Variants in HIP1 observed in about 807,000 individuals in gnomAD.
The protein encoded by HIP1 is huntingtin-interacting protein 1.
Under a neutral mutation model 147.6 loss-of-function variants are expected in HIP1, and 65 were observed. That is an observed-to-expected ratio of 0.44 (90% CI 0.36 to 0.54). The LOEUF is 0.54. Ranked by LOEUF, HIP1 falls within the 20% of genes least tolerant of loss-of-function variation. The probability of loss-of-function intolerance (pLI) is 0.00; values close to 1 mark genes in which losing one functional copy is unlikely to be tolerated. For synonymous variants in HIP1, 479 were observed against 504.0 expected (o/e 0.95, Z 0.67); for missense variants, 1,061 against 1,299.6 (o/e 0.82, Z 2.82).
At chr7:75,616,850 G>A (rs1797688625) in intron 1 of HIP1, among the ~76,000 whole-genome samples, 1 of 152,142 alleles carries the variant, frequency 6.6e-6, no homozygotes, top group Non-Finnish European at 1.5e-5. Flanking sequence ...GGAGGTATAT[G>A]TCAGGCACAG....
At chr7:75,675,826 T>A (rs1799869482) in intron 1 of HIP1, among the ~76,000 whole-genome samples, 1 of 152,068 alleles carries the variant, frequency 6.6e-6, no homozygotes, top group South Asian at 2.1e-4. Flanking sequence ...AAAAAAATTT[T>A]AAAAATCAGC....
At chr7:75,589,683 CAAAAAAAAAAAAAAAAAA>C (rs1159535613) in intron 4 of HIP1, among the ~76,000 whole-genome samples, 6 of 49,642 alleles carry the variant, frequency 1.2e-4, no homozygotes, top group African/African-American at 2.6e-4. Context: ...ACTCTGTCTC[CAAAAAAAAAAAAAAAAAA>C]AAAAAAAAAA....
At position 75,536,138 on chromosome 7, in the gene HIP1, C is replaced by G. The variant is rs1021998198; in HGVS notation, c.*2034G>C. 1 of 197,730 alleles carries G rather than the reference C, an allele frequency of 5.1e-6. No individual in the cohort carries two copies. Among genetic ancestry groups the G allele is most frequent in the Non-Finnish European group, 1.0e-5 (1 of 95,480 alleles). 12.2% of individuals were successfully genotyped at this position (197,730 alleles called of 1,614,324 possible). A position where few individuals can be genotyped will look rare whatever the true frequency, so the allele number is the denominator to read the frequency against. Reference sequence around the variant, plus strand: ...ATTGGTTTAGTTGCCACAACTGGGACAGGGAAGCCACGCACCATTCCTTCT... The same window carrying G: ...ATTGGTTTAGTTGCCACAACTGGGAGAGGGAAGCCACGCACCATTCCTTCT... On this transcript the variant is annotated 3_prime_UTR_variant, in exon 31 of 31. Coordinates refer to ENST00000336926, the MANE Select transcript of HIP1 (RefSeq NM_005338.7).
rs1554488126 is a variant in HIP1, at chr7:75,534,179, G to C, written c.*3993C>G. Reference sequence around the variant, plus strand: ...AATCTGACCGGAGCGACATGTACCTGTGATTCCCGTGTTACCTGGTGGCAT... The same window carrying C: ...AATCTGACCGGAGCGACATGTACCTCTGATTCCCGTGTTACCTGGTGGCAT... On this transcript the variant is annotated 3_prime_UTR_variant, in exon 31 of 31. Transcript: ENST00000336926. 2 of 228,206 alleles carry C rather than the reference G, an allele frequency of 8.8e-6. No homozygotes were observed. Among genetic ancestry groups the C allele is most frequent in the Non-Finnish European group, 1.7e-5 (2 of 114,926 alleles). 14.1% of individuals were successfully genotyped at this position (228,206 alleles called of 1,614,324 possible). A position where few individuals can be genotyped will look rare whatever the true frequency, so the allele number is the denominator to read the frequency against.
intron 1 of HIP1, among the ~76,000 whole-genome samples, chr7:75,612,933 G>A (rs782628168): frequency 2.6e-5 from 4 of 151,898 alleles, no homozygotes; most frequent in Non-Finnish European, 4.4e-5. Flanking sequence ...GTGAAACTCC[G>A]TCTCTACTAA....
At chr7:75,554,832 T>C (rs1419188423) in intron 19 of HIP1, among the ~76,000 whole-genome samples, 1 of 151,828 alleles carries the variant, frequency 6.6e-6, no homozygotes, top group East Asian at 1.9e-4. Context: ...TTCCAGCACT[T>C]TGAGAGGCCA....
chr7:75,611,948 A>AGAGGGTTTCCC, intron 1 of HIP1: 1 of 873,266 alleles, frequency 1.1e-6, no homozygotes, highest in Non-Finnish European at 1.4e-6. Flanking sequence ...GGCAGTGGCC[A>AGAGGGTTTCCC]ATGGGAAACC....
chr7:75,568,984 G>A lies in HIP1; in HGVS notation c.746-728C>T, dbSNP rs929865784. Among the ~76,000 whole-genome samples, 11 of 152,144 alleles carry A rather than the reference G, an allele frequency of 7.2e-5. No homozygotes were observed. The highest frequency in any genetic ancestry group is 1.3e-4 in the Admixed American group (2 of 15,258). On this transcript the variant is annotated intron_variant, in intron 8 of 30. Transcript: ENST00000336926. This position sits in a 1 kb window ranked among gnomAD's most constrained non-coding sequence, Gnocchi z 4.1. ...AGATTGCACCACTGCACTCCAGCCT[G>A]GGCGACAGTGAGACTCTGTCAAAAA... is the stretch of plus-strand genomic sequence containing the variant.
chr7:75,651,405 G>A (rs766739458), intron 1 of HIP1, among the ~76,000 whole-genome samples: 14 of 132,868 alleles, frequency 1.1e-4, no homozygotes, highest in Non-Finnish European at 2.0e-4. Context: ...GTTGCAGTGA[G>A]CCAAGATTGT....
intron 1 of HIP1, among the ~76,000 whole-genome samples, chr7:75,712,154 T>C (rs1801181379): frequency 6.6e-6 from 1 of 152,138 alleles, no homozygotes; most frequent in Non-Finnish European, 1.5e-5. Flanking sequence ...ACAGAAAACC[T>C]GGTGTAACTT....
At chr7:75,631,653 G>T (rs587686361) in intron 1 of HIP1, among the ~76,000 whole-genome samples, 1 of 152,228 alleles carries the variant, frequency 6.6e-6, no homozygotes, top group Admixed American at 6.5e-5. Context: ...AAGGACACAT[G>T]GGGAATTTAT....
chr7:75,620,658 C>A (rs1467538797), intron 1 of HIP1, among the ~76,000 whole-genome samples: 2 of 152,030 alleles, frequency 1.3e-5, no homozygotes, highest in Admixed American at 6.6e-5. Flanking sequence ...TGCACTCCAG[C>A]CTGGGTGAAA....
intron 1 of HIP1, among the ~76,000 whole-genome samples, chr7:75,603,032 A>G (rs1444380451): frequency 6.6e-6 from 1 of 151,950 alleles, no homozygotes; most frequent in Non-Finnish European, 1.5e-5. Context: ...AAGGACAGCC[A>G]GCGGCCACGA....
At chr7:75,558,759 C>G (rs1449466717) in intron 14 of HIP1, among the ~76,000 whole-genome samples, 4 of 151,906 alleles carry the variant, frequency 2.6e-5, no homozygotes, top group Admixed American at 2.6e-4. Context: ...TGGCTCATGC[C>G]TATAATCCCA....
In HIP1 at chr7:75,548,886, C is replaced by T; in HGVS notation, c.2406+5G>A. On this transcript the variant is annotated splice_donor_5th_base_variant and intron_variant, in intron 23 of 30. Transcript: ENST00000336926. ...GTTTCAGGAGATCCTGCAGGAACCT[C>T]CTACCTCTATTCTGGCCGTGGCAGT... 1 of 1,603,744 alleles carries T rather than the reference C, an allele frequency of 6.2e-7. No individual in the cohort carries two copies. Among genetic ancestry groups the T allele is most frequent in the Non-Finnish European group, 8.5e-7 (1 of 1,170,446 alleles).
At chr7:75,567,450 G>A (rs1031511603) in intron 9 of HIP1, among the ~76,000 whole-genome samples, 1 of 151,404 alleles carries the variant, frequency 6.6e-6, no homozygotes, top group Non-Finnish European at 1.5e-5. Flanking sequence ...AGTTACCCTA[G>A]CTATAGGTAG....
chr7:75,714,183 G>T (rs1271596435), intron 1 of HIP1, among the ~76,000 whole-genome samples: 1 of 151,574 alleles, frequency 6.6e-6, no homozygotes, highest in African/African-American at 2.4e-5. Flanking sequence ...GGGACTACAG[G>T]TGTGCGCCAT....
At chr7:75,689,122 G>A (rs147981806) in intron 1 of HIP1, among the ~76,000 whole-genome samples, 5,342 of 152,196 alleles carry the variant, frequency 0.035, 116 homozygotes, top group Non-Finnish European at 0.055. Flanking sequence ...GGCCAAGGTG[G>A]GAGGACCACT....
In HIP1 at chr7:75,562,861, G is replaced by T. The variant is rs986362647; in HGVS notation, c.1020+74C>A. The T allele has an allele frequency of 4.0e-6, 6 of 1,509,790 alleles. No homozygotes were observed. The African/African-American group carries it at 8.3e-5, about 21-fold the overall frequency. The allele number at this position is 1,509,790 out of a possible 1,614,324, so 93.5% of individuals were successfully genotyped here. A position where few individuals can be genotyped will look rare whatever the true frequency, so the allele number is the denominator to read the frequency against. ...GGTTAGAGTCAATGGGCTTTGGCCA[G>T]GGTCTCCCCCAGCCTCTCCCCTGTA... On this transcript the variant is annotated intron_variant, in intron 11 of 30. Transcript: ENST00000336926.
Sources: gnomAD v4.1 joint callset for allele counts (sites outside exome capture counted in the v4.1 genomes callset) on GRCh38, gnomAD v4.1.1 for gene constraint, Gnocchi (gnomAD v3.1) non-coding constraint, MANE v1.5 for transcripts, NCBI Gene and HGNC (gene_info 2026-07-23, HGNC 2026-07-21) for gene names.